CLOCK: variants seen among roughly 807,000 people sequenced by gnomAD.
The protein encoded by CLOCK is circadian locomoter output cycles protein kaput.
CLOCK carries 43 observed loss-of-function variants against 118.4 expected under a neutral mutation model. That is an observed-to-expected ratio of 0.36 (90% CI 0.28 to 0.47). The LOEUF (loss-of-function observed/expected upper bound fraction) is 0.47. Among genes scored for constraint, CLOCK ranks in the 20% least tolerant of loss-of-function variants. CLOCK has a pLI of 1.00. For synonymous variants in CLOCK, 326 were observed against 339.2 expected, an observed-to-expected ratio of 0.96 and a Z score of 0.43; for missense variants, 846 against 999.9, an observed-to-expected ratio of 0.85 and a Z score of 2.08.
chr4:55,489,987 A>G (rs1727562105), intron 2 of CLOCK, among the ~76,000 whole-genome samples: 1 of 152,124 alleles, frequency 6.6e-6, no homozygotes, highest in Admixed American at 6.6e-5. Flanking sequence ...GAAAAGAGGG[A>G]CAACAGCACT....
chr4:55,456,433 T>A, intron 11 of CLOCK, 133 bp from the exon 12 acceptor site: 1 of 563,944 alleles, frequency 1.8e-6, no homozygotes, highest in Non-Finnish European at 3.1e-6. Flanking sequence ...GAGGCTGAGG[T>A]GGGCAAATCA....
At chr4:55,459,793 C>T (rs539038438) in intron 9 of CLOCK, among the ~76,000 whole-genome samples, 54 of 152,104 alleles carry the variant, frequency 3.6e-4, no homozygotes, top group South Asian at 1.5e-3. Flanking sequence ...CTCCCAAGTA[C>T]GCAAGACTAC....
In CLOCK at chr4:55,522,363, A is replaced by C. The variant is rs533347017; in HGVS notation, c.-289-12298T>G. 3.3e-5 allele frequency among the ~76,000 whole-genome samples: 5 copies of C among 152,278 alleles called. No homozygotes were observed. The South Asian group carries it at 1.0e-3, about 32-fold the overall frequency. ...ATTTTTCTAATTACCAAAATATCCC[A>C]TAAACAAATGAAAAGACAAACCACG... On this transcript the variant is annotated intron_variant, in intron 1 of 22. Transcript: ENST00000513440.
At chr4:55,497,182 C>A (rs1180911583) in intron 2 of CLOCK, among the ~76,000 whole-genome samples, 1 of 152,138 alleles carries the variant, frequency 6.6e-6, no homozygotes, top group Non-Finnish European at 1.5e-5. Context: ...TAAGCTCTAG[C>A]AGAGAATGTT....
chr4:55,477,592 T>C (rs938841440), intron 6 of CLOCK, among the ~76,000 whole-genome samples: 1 of 152,060 alleles, frequency 6.6e-6, no homozygotes, highest in Non-Finnish European at 1.5e-5. Flanking sequence ...TGAAAATAAA[T>C]TCAATTTTAG....
At chr4:55,440,593 C>G (rs1000070451) in intron 21 of CLOCK, among the ~76,000 whole-genome samples, 4 of 151,818 alleles carry the variant, frequency 2.6e-5, no homozygotes, top group Non-Finnish European at 4.4e-5. Context: ...TAATGCAAAA[C>G]AAAAAAGAAT....
At chr4:55,534,503 A>C (rs1251738681) in intron 1 of CLOCK, among the ~76,000 whole-genome samples, 1 of 152,188 alleles carries the variant, frequency 6.6e-6, no homozygotes, top group African/African-American at 2.4e-5. Context: ...GCCAAAACTA[A>C]GATATCCATT....
intron 9 of CLOCK, among the ~76,000 whole-genome samples, chr4:55,459,929 T>C (rs533844843): frequency 8.5e-5 from 13 of 152,292 alleles, no homozygotes; most frequent in South Asian, 2.1e-4. Flanking sequence ...GGAGGGATTA[T>C]AGGCGAGAGC....
chr4:55,452,414 T>C (rs1388882772), intron 15 of CLOCK: 1 of 152,264 alleles, frequency 6.6e-6, no homozygotes, highest in Non-Finnish European at 1.5e-5. Context: ...GCCACCTCAG[T>C]TGAACTTTGA....
intron 3 of CLOCK, among the ~76,000 whole-genome samples, chr4:55,484,995 C>A (rs1476518569): frequency 1.3e-5 from 2 of 151,882 alleles, no homozygotes; most frequent in Non-Finnish European, 2.9e-5. Context: ...ACAGGGTCTC[C>A]CTCTGTGGCC....
At chr4:55,500,254 T>G (rs572846324) in intron 2 of CLOCK, among the ~76,000 whole-genome samples, 97 of 152,260 alleles carry the variant, frequency 6.4e-4, no homozygotes, top group Non-Finnish European at 1.1e-3. Flanking sequence ...CCCTTCTCAG[T>G]TTGCCTATTA....
chr4:55,537,772 T>C (rs1730999567), intron 1 of CLOCK, among the ~76,000 whole-genome samples: 1 of 152,116 alleles, frequency 6.6e-6, no homozygotes, highest in South Asian at 2.1e-4. Context: ...GCCTGAGCAG[T>C]AGTGAGACCT....
intron 3 of CLOCK, among the ~76,000 whole-genome samples, chr4:55,488,278 C>A (rs1483720713): frequency 1.3e-5 from 2 of 152,170 alleles, no homozygotes; most frequent in African/African-American, 4.8e-5. Context: ...TGTGCCAGGG[C>A]TGAATCCTTC....
At chr4:55,543,019 T>C (rs1276645339) in intron 1 of CLOCK, among the ~76,000 whole-genome samples, 1 of 152,062 alleles carries the variant, frequency 6.6e-6, no homozygotes, top group Non-Finnish European at 1.5e-5. Flanking sequence ...GTTCAAGTGA[T>C]CCCTCCACCT....
intron 2 of CLOCK, among the ~76,000 whole-genome samples, chr4:55,490,315 C>T (rs1452711031): frequency 2.0e-5 from 3 of 151,788 alleles, no homozygotes; most frequent in Non-Finnish European, 4.4e-5. Context: ...GAAAATATAG[C>T]AATTATAAAT....
chr4:55,511,053 G>C (rs1729116610), intron 1 of CLOCK, among the ~76,000 whole-genome samples: 1 of 152,158 alleles, frequency 6.6e-6, no homozygotes. Context: ...AAGAGCCCAA[G>C]GAATGACTGC....
chr4:55,449,585 A>C, intron 16 of CLOCK, 89 bp from the exon 17 acceptor site: 1 of 1,153,378 alleles, frequency 8.7e-7, no homozygotes, highest in Non-Finnish European at 1.3e-6. Flanking sequence ...GTTAATAAAA[A>C]TGGCTTTTGA....
chr4:55,446,424 T>C (rs930876951), intron 18 of CLOCK, among the ~76,000 whole-genome samples: 2 of 152,162 alleles, frequency 1.3e-5, no homozygotes, highest in African/African-American at 2.4e-5. Flanking sequence ...TGGAGTTAAT[T>C]TGTATCAATT....
chr4:55,458,822 G>A, intron 11 of CLOCK, 70 bp downstream of exon 11: 1 of 1,039,032 alleles, frequency 9.6e-7, no homozygotes. Context: ...CTCAATGTCT[G>A]CAGGAAGTTT....
Sources: allele counts gnomAD v4.1 joint callset (sites outside exome capture counted in the v4.1 genomes callset), GRCh38; gene constraint gnomAD v4.1.1; transcripts MANE v1.5; gene names NCBI Gene and HGNC (gene_info 2026-07-23, HGNC 2026-07-21).